PRG4: variants seen among roughly 807,000 people sequenced by gnomAD.
The protein encoded by PRG4 is proteoglycan 4.
Under a neutral mutation model 91.2 loss-of-function variants are expected in PRG4, and 61 were observed. That is an observed-to-expected ratio of 0.67 (90% CI 0.54 to 0.83). The LOEUF is 0.83. PRG4 is among the 40% of genes least tolerant of loss of function. The probability of loss-of-function intolerance (pLI) is 0.00; values close to 1 mark genes in which losing one functional copy is unlikely to be tolerated. For synonymous variants in PRG4, 576 were observed against 614.2 expected, an observed-to-expected ratio of 0.94 and a Z score of 0.92; for missense variants, 1,564 against 1,714.2, an observed-to-expected ratio of 0.91 and a Z score of 1.55.
In PRG4 at chr1:186,307,137, A is replaced by G. The variant is rs756169288; in HGVS notation, c.1418A>G (p.Glu473Gly). 12 of 1,164,592 alleles carry G rather than the reference A, an allele frequency of 1.0e-5. No homozygotes were observed. Among genetic ancestry groups the G allele is most frequent in the Non-Finnish European group, 1.4e-5 (12 of 835,306 alleles). The allele number at this position is 1,164,592 out of a possible 1,614,324, so 72.1% of individuals were successfully genotyped here. The change falls in exon 7 of 13, where the codon GAG becomes GGG. Residue 473 changes from glutamate (E) to glycine (G), a missense_variant. This residue lies in a region of PRG4 where 1,079 missense variants were observed against 1,162.2 expected (regional missense o/e 0.93). Transcript: ENST00000445192. ...AAGGAGCCTGCACCCACCACCAAGG[A>G]GCCTGCACCCACCACTCCCAAAGAG... ...TPKEPAPTTK[E>G]PAPTTPKEPA...
rs1204439231 is a variant in PRG4, at chr1:186,304,934, G to C, written c.598+12G>C. 6.2e-7 allele frequency: 1 copy of C among 1,611,420 alleles called. No homozygotes were observed. The highest frequency in any genetic ancestry group is 1.7e-5 in the Admixed American group (1 of 59,974). ...GAAGAAACTCAAAGGTTTGAGCATT[G>C]ATAAAGATCAAAGACTGTATCAATG... is the stretch of plus-strand genomic sequence containing the variant. On this transcript the variant is annotated intron_variant, in intron 6 of 12. Coordinates refer to ENST00000445192, the MANE Select transcript of PRG4 (RefSeq NM_005807.6).
rs766546161 is a variant in PRG4 at position 186,309,779 on chromosome 1, G to C, written c.3422-14G>C. 5.5e-5 allele frequency: 88 copies of C among 1,596,232 alleles called. No homozygotes were observed. The highest frequency in any genetic ancestry group is 7.4e-5 in the Non-Finnish European group (86 of 1,163,986). Reference sequence around the variant, plus strand: ...TCTGTTCTATATTTGTTTTGTTTTTGTTAATTTGTTTAGATGAGACCAATA... The same window carrying C: ...TCTGTTCTATATTTGTTTTGTTTTTCTTAATTTGTTTAGATGAGACCAATA... On this transcript the variant is annotated splice_polypyrimidine_tract_variant and intron_variant, in intron 7 of 12. Transcript: ENST00000445192.
At chr1:186,311,993 G>C in intron 10 of PRG4, 182 bp from the exon 11 acceptor site, 2 of 586,632 alleles carry the variant, frequency 3.4e-6, no homozygotes, top group Non-Finnish European at 5.9e-6. Flanking sequence ...CATTCAACAA[G>C]TATTTCAGTT....
In PRG4 at chr1:186,311,268, T is replaced by C. The variant is rs1169457420; in HGVS notation, c.3636+98T>C. The C allele has an allele frequency of 1.9e-5, 28 of 1,436,454 alleles. No individual in the cohort carries two copies. In the East Asian group the frequency reaches 6.1e-4, roughly 32 times the overall value. The allele number at this position is 1,436,454 out of a possible 1,614,324, so 89.0% of individuals were successfully genotyped here. A position where few individuals can be genotyped will look rare whatever the true frequency, so the allele number is the denominator to read the frequency against. On this transcript the variant is annotated intron_variant, in intron 9 of 12. Coordinates refer to ENST00000445192, the MANE Select transcript of PRG4 (RefSeq NM_005807.6). The stretch of plus-strand genomic sequence containing the variant: ...CCTTAACCTCCAATATGTGTCCTTT[T>C]AAATACTCTGTCATCAAAATTTAAT...
chr1:186,301,774 A>G lies in PRG4; in HGVS notation c.319+63A>G, dbSNP rs1656235863. 6 of 1,554,836 alleles carry G rather than the reference A, an allele frequency of 3.9e-6. No individual in the cohort carries two copies. The Admixed American group carries it at 1.0e-4, about 26-fold the overall frequency. ...GCCAGATCTGTGCACCTACCTTAGC[A>G]TCACTGATAATGTCTAACACGCAGT... On this transcript the variant is annotated intron_variant, in intron 4 of 12. Transcript: ENST00000445192.
chr1:186,306,732 C>A lies in PRG4; in HGVS notation c.1013C>A (p.Thr338Lys). The A allele has an allele frequency of 6.2e-7, 1 of 1,613,686 alleles. No individual in the cohort carries two copies. Among genetic ancestry groups the A allele is most frequent in the Non-Finnish European group, 8.5e-7 (1 of 1,179,766 alleles). ...LAKPTPKAET[T>K]TKGPALTTPK... The stretch of plus-strand genomic sequence containing the variant: ...AAACCTACACCCAAAGCTGAAACTA[C>A]AACCAAAGGCCCTGCTCTCACCACT... Residue 338 changes from threonine to lysine, a missense_variant, in exon 7 of 13, where the codon ACA becomes AAA. Physicochemically the swap from Thr to Lys is moderately conservative, Grantham distance 78. Transcript: ENST00000445192.
intron 3 of PRG4, among the ~76,000 whole-genome samples, 184 bp from the exon 4 acceptor site, chr1:186,301,408 T>A (rs1358410021): frequency 6.6e-6 from 1 of 152,170 alleles, no homozygotes; most frequent in Non-Finnish European, 1.5e-5. Flanking sequence ...CTTTTTTGAC[T>A]TGGGCTGTCT....
intron 10 of PRG4, 40 bp from the exon 11 acceptor site, chr1:186,312,135 T>C: frequency 6.3e-7 from 1 of 1,583,618 alleles, no homozygotes; most frequent in Admixed American, 1.7e-5. Context: ...GGTATTAAAA[T>C]TAATTTTCAT....
chr1:186,310,636 C>T (rs563399746), intron 8 of PRG4, among the ~76,000 whole-genome samples: 1 of 151,592 alleles, frequency 6.6e-6, no homozygotes, highest in South Asian at 2.1e-4. Context: ...GTGTGCACCA[C>T]CATGCCTGGC....
Position 186,312,337 on chromosome 1 carries a change from A to G in PRG4, c.3956A>G (p.Gln1319Arg), listed in dbSNP as rs1357597577. 1 of 1,609,454 alleles carries G rather than the reference A, an allele frequency of 6.2e-7. No homozygotes were observed. The highest frequency in any genetic ancestry group is 1.1e-5 in the South Asian group (1 of 89,894). The change falls in exon 11 of 13, where the codon CAA becomes CGA. Residue 1319 changes from glutamine to arginine, a missense_variant. By Grantham distance (43) the Gln-to-Arg change is conservative (BLOSUM62 1). Coordinates refer to ENST00000445192, the MANE Select transcript of PRG4 (RefSeq NM_005807.6). ...TCTCAAACACACACCATCAGAATTC[A>G]ATATTCACCTGCCAGACTGGCTTAT... is the stretch of plus-strand genomic sequence containing the variant. ...GPSQTHTIRI[Q>R]YSPARLAYQD...
chr1:186,313,372 T>G (rs1022316640), intron 12 of PRG4: 6 of 342,542 alleles, frequency 1.8e-5, no homozygotes, highest in African/African-American at 1.3e-4. Context: ...TTGGCATGTA[T>G]TTTTTAAAAG....
In PRG4 at chr1:186,307,350, C is replaced by T. The variant is rs776958106; in HGVS notation, c.1631C>T (p.Ser544Phe). The part of the protein sequence containing the change: ...TKEPAPTTTK[S>F]APTTPKEPSP... ...GAGCCTGCACCCACCACTACCAAGT[C>T]TGCACCCACCACTCCCAAGGAGCCT... Residue 544 changes from serine (S) to phenylalanine (F), a missense_variant, in exon 7 of 13, where the codon TCT (serine) becomes TTT (phenylalanine). Physicochemically the swap from Ser to Phe is radical, Grantham distance 155. Coordinates refer to ENST00000445192, the MANE Select transcript of PRG4 (RefSeq NM_005807.6). The T allele has an allele frequency of 6.3e-7, 1 of 1,583,438 alleles. No individual in the cohort carries two copies. Among genetic ancestry groups the T allele is most frequent in the Non-Finnish European group, 8.5e-7 (1 of 1,170,030 alleles).
At position 186,309,870 on chromosome 1, in the gene PRG4, G is replaced by A; in HGVS notation, c.3499G>A (p.Gly1167Ser). The A allele has an allele frequency of 6.2e-7, 1 of 1,611,524 alleles. No individual in the cohort carries two copies. Among genetic ancestry groups the A allele is most frequent in the Non-Finnish European group, 8.5e-7 (1 of 1,177,792 alleles). The change falls in exon 8 of 13, where the codon GGT becomes AGT. Residue 1167 changes from glycine to serine, a missense_variant and splice_region_variant. This residue lies in a region of PRG4 where 1,079 missense variants were observed against 1,162.2 expected (regional missense o/e 0.93). Coordinates refer to ENST00000445192, the MANE Select transcript of PRG4 (RefSeq NM_005807.6). ...CAATGGGACATTAGTTGCATTCCGA[G>A]GTGAGCTATGTACACATTTATTTTT... ...LRNGTLVAFR[G>S]HYFWMLSPFS...
At position 186,308,615 on chromosome 1, in the gene PRG4, CAA is replaced by C. The variant is rs1656925804; in HGVS notation, c.2897_2898del (p.Gln966ArgfsTer11). 3 of 1,613,420 alleles carry C rather than the reference CAA, an allele frequency of 1.9e-6. No homozygotes were observed. The highest frequency in any genetic ancestry group is 1.6e-4 in the Middle Eastern group (1 of 6,062). On this transcript the variant is annotated frameshift_variant, in exon 7 of 13. Coordinates refer to ENST00000445192, the MANE Select transcript of PRG4 (RefSeq NM_005807.6). LOFTEE classifies it high-confidence loss of function. ...CACACAAGTAACATCTACCACAACTCAAGATACCACACCATTCAAAATTACTA... is the reference window on the plus strand; with the variant it reads ...CACACAAGTAACATCTACCACAACTCGATACCACACCATTCAAAATTACTA... ...TTTQVTSTTT[Q>X]DTTPFKITTL...
intron 10 of PRG4, chr1:186,311,887 G>GT (rs1657266418): frequency 3.7e-6 from 2 of 542,912 alleles, no homozygotes. Context: ...GCTAATCTCT[G>GT]TATCATTCCA....
chr1:186,301,796 C>T lies in PRG4; in HGVS notation c.319+85C>T, dbSNP rs145682649. 436 of 1,507,686 alleles carry T rather than the reference C, an allele frequency of 2.9e-4. 4 individuals carry two copies. The East Asian group carries it at 9.6e-3, about 33-fold the overall frequency. The allele number at this position is 1,507,686 out of a possible 1,614,324, so 93.4% of individuals were successfully genotyped here. On this transcript the variant is annotated intron_variant, in intron 4 of 12. Transcript: ENST00000445192. ...AGCATCACTGATAATGTCTAACACG[C>T]AGTCCATCTTAGGCCTTGATTTTAC...
chr1:186,299,422 C>T (rs1187561446), intron 2 of PRG4, among the ~76,000 whole-genome samples: 2 of 152,124 alleles, frequency 1.3e-5, no homozygotes, highest in Non-Finnish European at 2.9e-5. Flanking sequence ...GAATGGGAGG[C>T]AAAGCGACAG....
chr1:186,305,076 T>C (rs1293156409), intron 6 of PRG4, among the ~76,000 whole-genome samples, 154 bp downstream of exon 6: 1 of 152,140 alleles, frequency 6.6e-6, no homozygotes, highest in Non-Finnish European at 1.5e-5. Flanking sequence ...AATGAATACT[T>C]CCTACAGGAA....
At chr1:186,309,278 C>A in intron 7 of PRG4, 138 bp downstream of exon 7, 4 of 896,286 alleles carry the variant, frequency 4.5e-6, no homozygotes, top group Non-Finnish European at 7.1e-6. Context: ...TTTACAGCTT[C>A]CCTGTAGGTA....
Sources: gnomAD v4.1 joint callset for allele counts (sites outside exome capture counted in the v4.1 genomes callset) on GRCh38, gnomAD v4.1.1 for gene constraint, gnomAD v4.1.1 regional missense constraint, MANE v1.5 for transcripts, NCBI Gene and HGNC (gene_info 2026-07-23, HGNC 2026-07-21) for gene names.